CNTNAP2: variants seen among roughly 807,000 people sequenced by gnomAD.
CNTNAP2 encodes contactin associated protein 2.
A neutral mutation model predicts 155.2 loss-of-function variants in CNTNAP2; 98 were observed. The observed-to-expected ratio is 0.63, with a 90% CI of 0.54 to 0.75. CNTNAP2 has a LOEUF of 0.75. CNTNAP2 is among the 30% of genes least tolerant of loss of function. CNTNAP2 has a pLI of 0.00. For missense variants in CNTNAP2, 1,727 were observed against 1,688.1 expected (o/e 1.02, Z -0.40); for synonymous variants, 651 against 631.2 (o/e 1.03, Z -0.47).
At chr7:147,043,879 A>G (rs1799304964) in intron 3 of CNTNAP2, 28 bp from the exon 4 acceptor site, 2 of 1,613,652 alleles carry the variant, frequency 1.2e-6, no homozygotes, top group East Asian at 2.2e-5. Context: ...ATTTTTCCCA[A>G]TTTTTAAAAT....
At chr7:146,894,097 T>C (rs1036422953) in intron 3 of CNTNAP2, among the ~76,000 whole-genome samples, 3 of 152,230 alleles carry the variant, frequency 2.0e-5, no homozygotes, top group East Asian at 1.9e-4. Context: ...CCTTCACTTA[T>C]AACACACCTG....
chr7:147,491,455 T>C (rs1488320905), intron 11 of CNTNAP2, among the ~76,000 whole-genome samples: 1 of 146,810 alleles, frequency 6.8e-6, no homozygotes, highest in Non-Finnish European at 1.6e-5. Context: ...ATCCTCTTAT[T>C]CTAAAACACA....
At chr7:147,786,102 C>T (rs1397725607) in intron 13 of CNTNAP2, among the ~76,000 whole-genome samples, 2 of 151,952 alleles carry the variant, frequency 1.3e-5, no homozygotes, top group African/African-American at 4.8e-5. Flanking sequence ...CCATCCTGGC[C>T]AACATGGTGA....
intron 13 of CNTNAP2, among the ~76,000 whole-genome samples, chr7:147,647,385 C>A (rs1795383976): frequency 6.6e-6 from 1 of 151,908 alleles, no homozygotes; most frequent in Admixed American, 6.6e-5. Context: ...GGACACCCTT[C>A]TTTTACAGAT....
Position 147,977,929 on chromosome 7 carries a change from A to G in CNTNAP2, c.2323A>G (p.Thr775Ala), listed in dbSNP as rs1460251447. The change falls in exon 15 of 24, where the codon ACT becomes GCT. Residue 775 changes from threonine (T) to alanine (A), a missense_variant. Coordinates refer to ENST00000361727, the MANE Select transcript of CNTNAP2 (RefSeq NM_014141.6). Reference protein sequence around the residue: ...LPVSQVVVGDTDRQGSEAKLS... With the variant: ...LPVSQVVVGDADRQGSEAKLS... Reference sequence around the variant, plus strand: ...AGTGAGCCAAGTGGTGGTTGGAGATACTGACCGTCAAGGCTCAGAAGCCAA... The same window carrying G: ...AGTGAGCCAAGTGGTGGTTGGAGATGCTGACCGTCAAGGCTCAGAAGCCAA... The G allele has an allele frequency of 6.2e-7, 1 of 1,614,132 alleles. No individual in the cohort carries two copies. Among genetic ancestry groups the G allele is most frequent in the Admixed American group, 1.7e-5 (1 of 60,012 alleles).
chr7:148,099,297 T>C (rs994915428), intron 15 of CNTNAP2, among the ~76,000 whole-genome samples: 1 of 152,160 alleles, frequency 6.6e-6, no homozygotes, highest in Non-Finnish European at 1.5e-5. Flanking sequence ...ATAATGCCAT[T>C]ATCATAGATT....
At chr7:147,394,574 A>C (rs2116451470) in intron 9 of CNTNAP2, among the ~76,000 whole-genome samples, 1 of 152,164 alleles carries the variant, frequency 6.6e-6, no homozygotes, top group Admixed American at 6.6e-5. Context: ...TGAAAAGTAG[A>C]AGCTCTGGGG....
intron 1 of CNTNAP2, among the ~76,000 whole-genome samples, chr7:146,329,066 A>C (rs1002109883): frequency 6.6e-6 from 1 of 152,164 alleles, no homozygotes; most frequent in Non-Finnish European, 1.5e-5. Context: ...GGATTGCTAG[A>C]CCATATGGGA....
In CNTNAP2 at chr7:146,222,420, T is replaced by A. The variant is rs151000168; in HGVS notation, c.97+105447T>A. ...ATTTGAACACTTAAGAGAAAATCAA[T>A]GGTCAGATATGTTAAAAAGATGGAA... On this transcript the variant is annotated intron_variant, in intron 1 of 23. Transcript: ENST00000361727. Among the ~76,000 whole-genome samples, 869 of 152,108 alleles carry A rather than the reference T, an allele frequency of 5.7e-3. 9 individuals are homozygous for A. Among genetic ancestry groups the A allele is most frequent in the African/African-American group, 0.02 (824 of 41,510 alleles).
At chr7:146,803,353 C>T (rs1333167145) in intron 2 of CNTNAP2, among the ~76,000 whole-genome samples, 1 of 152,132 alleles carries the variant, frequency 6.6e-6, no homozygotes, top group Non-Finnish European at 1.5e-5. Context: ...GATAAAAATG[C>T]AAATTATGTA....
intron 13 of CNTNAP2, among the ~76,000 whole-genome samples, chr7:147,789,495 A>G (rs1039683017): frequency 6.6e-6 from 1 of 152,194 alleles, no homozygotes; most frequent in East Asian, 1.9e-4. Context: ...TGCTTTGCCC[A>G]GACATCCAGC....
Position 148,020,274 on chromosome 7 carries a change from A to G in CNTNAP2, c.2383+42285A>G, listed in dbSNP as rs1182632948. 2.6e-5 allele frequency among the ~76,000 whole-genome samples: 4 copies of G among 152,234 alleles called. No homozygotes were observed. The East Asian group carries it at 7.7e-4, about 29-fold the overall frequency. On this transcript the variant is annotated intron_variant, in intron 15 of 23. Transcript: ENST00000361727. The stretch of plus-strand genomic sequence containing the variant: ...TCTTCACCTGCACTAGCATGCTAAA[A>G]CAAGGAAAAGAAAGTTTTATCTTCT...
chr7:146,990,299 C>T (rs1368636258), intron 3 of CNTNAP2, among the ~76,000 whole-genome samples: 3 of 152,158 alleles, frequency 2.0e-5, no homozygotes, highest in African/African-American at 7.2e-5. Flanking sequence ...GAGGTATACA[C>T]ATGGACAGAA....
chr7:148,122,451 G>GA (rs1417278141), intron 16 of CNTNAP2, among the ~76,000 whole-genome samples: 2 of 152,012 alleles, frequency 1.3e-5, no homozygotes, highest in Non-Finnish European at 2.9e-5. Context: ...AGGAGCCAGG[G>GA]AAAAAAGGAA....
chr7:147,230,599 G>A (rs1411952088), intron 8 of CNTNAP2, among the ~76,000 whole-genome samples: 1 of 152,138 alleles, frequency 6.6e-6, no homozygotes, highest in African/African-American at 2.4e-5. Context: ...GGTAAAAGAA[G>A]ATTTGATATA....
intron 12 of CNTNAP2, among the ~76,000 whole-genome samples, chr7:147,622,667 T>C (rs1393629113): frequency 3.3e-5 from 5 of 152,002 alleles, no homozygotes; most frequent in African/African-American, 1.2e-4. Context: ...GCTATAACTG[T>C]CTACATCAAA....
intron 8 of CNTNAP2, among the ~76,000 whole-genome samples, chr7:147,193,319 G>A (rs1170745141): frequency 6.6e-6 from 1 of 152,272 alleles, no homozygotes; most frequent in East Asian, 1.9e-4. Context: ...TCCAACCAAG[G>A]TCTGTCTAAG....
intron 15 of CNTNAP2, among the ~76,000 whole-genome samples, chr7:147,986,610 CATCGAGAAACAGTT>C (rs1247032605): frequency 6.6e-6 from 1 of 152,136 alleles, no homozygotes; most frequent in Admixed American, 6.5e-5. Flanking sequence ...CAGCAGAGCA[CATCGAGAAACAGTT>C]TAATACAGCC....
At chr7:147,791,478 G>T (rs1358243717) in intron 13 of CNTNAP2, among the ~76,000 whole-genome samples, 30 of 133,560 alleles carry the variant, frequency 2.2e-4, no homozygotes, top group African/African-American at 7.8e-4. Context: ...TTTCATTTAG[G>T]TAGTATCTTT....
Sources: gnomAD v4.1 joint callset for allele counts (sites outside exome capture counted in the v4.1 genomes callset) on GRCh38, gnomAD v4.1.1 for gene constraint, MANE v1.5 for transcripts, NCBI Gene and HGNC (gene_info 2026-07-23, HGNC 2026-07-21) for gene names.